Variants in OPRD1 observed in about 807,000 individuals in gnomAD.
OPRD1 encodes the protein delta-type opioid receptor.
OPRD1 carries 19 observed loss-of-function variants against 17.5 expected under a neutral mutation model. That is an observed-to-expected ratio of 1.09 (90% confidence interval 0.76 to 1.60). The LOEUF is 1.60. Among genes scored for constraint, OPRD1 ranks in the 40% most tolerant of loss-of-function variants. OPRD1 has a pLI of 0.00. For synonymous variants in OPRD1, 256 were observed against 240.9 expected (o/e 1.06, Z -0.58); for missense variants, 483 against 547.2 (o/e 0.88, Z 1.17).
In OPRD1 at chr1:28,864,727, A is replaced by G. The variant is rs939246558; in HGVS notation, c.*1444A>G. The G allele has an allele frequency of 7.9e-5, 9 of 114,522 alleles. 1 individual carries two copies. In the South Asian group the frequency reaches 2.9e-3, roughly 37 times the overall value. 7.1% of individuals were successfully genotyped at this position (114,522 alleles called of 1,614,324 possible). A position where few individuals can be genotyped will look rare whatever the true frequency, so the allele number is the denominator to read the frequency against. On this transcript the variant is annotated 3_prime_UTR_variant, in exon 3 of 3. Transcript: ENST00000234961. ...AGGACCACCTACTTAGATCCCGTAG[A>G]TGGTAAGTGGTGCCTGGGACTCTTG...
intron 1 of OPRD1, among the ~76,000 whole-genome samples, chr1:28,815,372 C>T (rs1237464493): frequency 6.6e-6 from 1 of 152,228 alleles, no homozygotes; most frequent in Non-Finnish European, 1.5e-5. Flanking sequence ...TCCCAAAGTG[C>T]TGGGATTACG....
At chr1:28,826,524 AT>A (rs1225447840) in intron 1 of OPRD1, among the ~76,000 whole-genome samples, 5 of 152,130 alleles carry the variant, frequency 3.3e-5, no homozygotes, top group African/African-American at 1.2e-4. Flanking sequence ...TCAAAAAAAA[AT>A]AAAAAAAAAA....
intron 1 of OPRD1, among the ~76,000 whole-genome samples, chr1:28,855,928 G>A (rs1253208047): frequency 6.6e-6 from 1 of 152,220 alleles, no homozygotes; most frequent in Non-Finnish European, 1.5e-5. Context: ...TAGGATAGAT[G>A]CTGCCCTGGA....
chr1:28,833,364 A>G (rs2088824083), intron 1 of OPRD1, among the ~76,000 whole-genome samples: 1 of 152,202 alleles, frequency 6.6e-6, no homozygotes, highest in African/African-American at 2.4e-5. Context: ...TGATCCTATC[A>G]GAGAAAAAGC....
chr1:28,829,473 A>T (rs2088794401), intron 1 of OPRD1, among the ~76,000 whole-genome samples: 1 of 151,392 alleles, frequency 6.6e-6, no homozygotes, highest in African/African-American at 2.4e-5. Context: ...GATTCAAGTG[A>T]TTCTCCTGCC....
Position 28,812,425 on chromosome 1 carries a change from G to T in OPRD1, c.42G>T (p.Pro14=). ...APSAGAELQP[P]LFANASDAYP... is the part of the protein sequence containing the mutation. ...CCGCCGGCGCCGAGCTGCAGCCCCC[G>T]CTCTTCGCCAACGCCTCGGACGCCT... is the stretch of plus-strand genomic sequence containing the variant. The change falls in exon 1 of 3, where the codon CCG becomes CCT. Residue 14 remains proline, a synonymous_variant. Transcript: ENST00000234961. The T allele has an allele frequency of 2.0e-6, 3 of 1,487,084 alleles. No homozygotes were observed. The highest frequency in any genetic ancestry group is 2.9e-5 in the East Asian group (1 of 34,972). 92.1% of individuals were successfully genotyped at this position (1,487,084 alleles called of 1,614,324 possible). A position where few individuals can be genotyped will look rare whatever the true frequency, so the allele number is the denominator to read the frequency against.
At chr1:28,857,311 G>T (rs977020979) in intron 1 of OPRD1, among the ~76,000 whole-genome samples, 7 of 152,164 alleles carry the variant, frequency 4.6e-5, no homozygotes, top group East Asian at 1.9e-4. Flanking sequence ...GAGCCTTAGA[G>T]AGTTCAAGTT....
intron 1 of OPRD1, among the ~76,000 whole-genome samples, chr1:28,849,561 C>T (rs972089757): frequency 3.9e-5 from 6 of 152,200 alleles, no homozygotes; most frequent in African/African-American, 1.4e-4. Flanking sequence ...CGCACACGTG[C>T]ACACGCACGG....
chr1:28,862,694 C>T (rs181821311), intron 2 of OPRD1, 48 bp from the exon 3 acceptor site: 15 of 1,527,394 alleles, frequency 9.8e-6, no homozygotes, highest in Admixed American at 2.1e-5. Context: ...GCCCCTTAGG[C>T]ACACAGGCCC....
intron 1 of OPRD1, among the ~76,000 whole-genome samples, chr1:28,855,992 A>T (rs2089053585): frequency 1.3e-5 from 2 of 152,256 alleles, no homozygotes; most frequent in Admixed American, 1.3e-4. Flanking sequence ...CACTTCATGC[A>T]GGAACAGCCT....
intron 1 of OPRD1, among the ~76,000 whole-genome samples, chr1:28,833,914 A>G (rs538208478): frequency 1.3e-5 from 2 of 152,314 alleles, no homozygotes; most frequent in South Asian, 2.1e-4. Flanking sequence ...CACACACAAA[A>G]GTAGGTGGTC....
chr1:28,841,204 A>T (rs2088892631), intron 1 of OPRD1, among the ~76,000 whole-genome samples: 1 of 152,228 alleles, frequency 6.6e-6, no homozygotes, highest in Non-Finnish European at 1.5e-5. Context: ...TCTGATGTTT[A>T]TAAGTCTGTC....
chr1:28,824,477 C>G (rs1315636767), intron 1 of OPRD1, among the ~76,000 whole-genome samples: 1 of 151,292 alleles, frequency 6.6e-6, no homozygotes, highest in East Asian at 2.0e-4. Context: ...CCACACCCGG[C>G]TAATTTTTTT....
chr1:28,818,000 G>A (rs1001451956), intron 1 of OPRD1, among the ~76,000 whole-genome samples: 1 of 152,140 alleles, frequency 6.6e-6, no homozygotes, highest in African/African-American at 2.4e-5. Flanking sequence ...GATTATAGGC[G>A]TGAGCCGCTG....
chr1:28,838,605 G>A (rs2088872457), intron 1 of OPRD1, among the ~76,000 whole-genome samples: 1 of 152,078 alleles, frequency 6.6e-6, no homozygotes, highest in African/African-American at 2.4e-5. Flanking sequence ...GGACTCCAGG[G>A]GCAGCCTCAA....
At chr1:28,853,349 C>G (rs1295941404) in intron 1 of OPRD1, among the ~76,000 whole-genome samples, 3 of 152,220 alleles carry the variant, frequency 2.0e-5, no homozygotes, top group Admixed American at 6.5e-5. Flanking sequence ...TGGGTTAAGA[C>G]AGCAGGGCCA....
chr1:28,845,347 G>A (rs2088930440), intron 1 of OPRD1, among the ~76,000 whole-genome samples: 1 of 151,898 alleles, frequency 6.6e-6, no homozygotes, highest in Non-Finnish European at 1.5e-5. Flanking sequence ...AAATTAGCCG[G>A]GCATGCTGGT....
At chr1:28,862,004 T>G (rs1438510366) in intron 2 of OPRD1, among the ~76,000 whole-genome samples, 1 of 151,174 alleles carries the variant, frequency 6.6e-6, no homozygotes, top group Non-Finnish European at 1.5e-5. Context: ...CTCCACCTCC[T>G]GGGTTCACAC....
chr1:28,860,487 C>T (rs1456247014), intron 2 of OPRD1, among the ~76,000 whole-genome samples: 1 of 152,142 alleles, frequency 6.6e-6, no homozygotes, highest in Admixed American at 6.5e-5. Context: ...AACTAATTAA[C>T]CTCTCTGAGT....
Sources: allele counts gnomAD v4.1 joint callset (sites outside exome capture counted in the v4.1 genomes callset), GRCh38; gene constraint gnomAD v4.1.1; transcripts MANE v1.5; gene names NCBI Gene and HGNC (gene_info 2026-07-23, HGNC 2026-07-21).